Variants in TMEM266 observed in about 807,000 individuals in gnomAD.
The protein encoded by TMEM266 is Hv1 related protein 1.
Under a neutral mutation model 50.5 loss-of-function variants are expected in TMEM266, and 33 were observed. The ratio of observed to expected loss-of-function variants is 0.65; its 90% CI spans 0.50 to 0.87. The LOEUF is 0.87. Among genes scored for constraint, TMEM266 ranks in the 40% least tolerant of loss-of-function variants. The probability of loss-of-function intolerance (pLI) is 0.00; values close to 1 mark genes in which losing one functional copy is unlikely to be tolerated. For synonymous variants in TMEM266, 310 were observed against 292.3 expected (o/e 1.06, Z -0.62); for missense variants, 655 against 695.1 (o/e 0.94, Z 0.65).
At chr15:76,092,466 G>C (rs1181824662) in intron 1 of TMEM266, among the ~76,000 whole-genome samples, 2 of 151,990 alleles carry the variant, frequency 1.3e-5, no homozygotes, top group Non-Finnish European at 2.9e-5. Context: ...GAGGCGGGCG[G>C]ATCAGCTGAG....
At chr15:76,179,786 C>G (rs535177843) in intron 8 of TMEM266, among the ~76,000 whole-genome samples, 2 of 152,188 alleles carry the variant, frequency 1.3e-5, no homozygotes, top group African/African-American at 4.8e-5. Flanking sequence ...GTGTTAGGGT[C>G]CCAGTTTAAA....
At chr15:76,082,447 G>T (rs2036709153) in intron 1 of TMEM266, among the ~76,000 whole-genome samples, 1 of 152,194 alleles carries the variant, frequency 6.6e-6, no homozygotes, top group South Asian at 2.1e-4. Context: ...GAAGAGAGAA[G>T]AAAATAATGT....
chr15:76,180,907 C>T (rs1336113909), intron 8 of TMEM266: 2 of 152,336 alleles, frequency 1.3e-5, no homozygotes, highest in East Asian at 1.9e-4. Context: ...AGCCACCGCA[C>T]CCAGCCCATC....
At chr15:76,145,893 C>G (rs1242996945) in intron 3 of TMEM266, among the ~76,000 whole-genome samples, 1 of 152,230 alleles carries the variant, frequency 6.6e-6, no homozygotes, top group Non-Finnish European at 1.5e-5. Context: ...CCCCTGATTT[C>G]TTGTTCTCAT....
rs1412266333 is a variant in TMEM266, at chr15:76,137,773, G to A, written c.105G>A (p.Lys35=). The change falls in exon 3 of 11, where the codon AAG becomes AAA. Residue 35 remains lysine, a synonymous_variant. Transcript: ENST00000388942. Reference sequence around the variant, plus strand: ...CCCAACAAGTAGACGAAGAAACCAAGAGCATTGCTCCTGTGCAGCTGGTGA... The same window carrying A: ...CCCAACAAGTAGACGAAGAAACCAAAAGCATTGCTCCTGTGCAGCTGGTGA... 1.9e-6 allele frequency: 3 copies of A among 1,614,088 alleles called. No homozygotes were observed. Among genetic ancestry groups the A allele is most frequent in the South Asian group, 2.2e-5 (2 of 91,088 alleles).
intron 9 of TMEM266, among the ~76,000 whole-genome samples, chr15:76,198,650 T>A (rs1289159310): frequency 2.0e-5 from 3 of 152,236 alleles, no homozygotes; most frequent in African/African-American, 7.2e-5. Flanking sequence ...CAGTCCAGCC[T>A]AATGGTACTT....
chr15:76,064,065 TA>T (rs766046297), intron 1 of TMEM266, among the ~76,000 whole-genome samples: 5 of 152,142 alleles, frequency 3.3e-5, no homozygotes, highest in Admixed American at 2.0e-4. Flanking sequence ...GGTTCCCTTG[TA>T]ATGGGAATGC....
chr15:76,198,464 CTG>C (rs2038689441), intron 9 of TMEM266, among the ~76,000 whole-genome samples: 1 of 152,214 alleles, frequency 6.6e-6, no homozygotes, highest in African/African-American at 2.4e-5. Context: ...CCATAAACAT[CTG>C]TGTCTGCCTC....
Position 76,161,399 on chromosome 15 carries a change from A to T in TMEM266, c.456+1231A>T, listed in dbSNP as rs191547010. 1.3e-5 allele frequency among the ~76,000 whole-genome samples: 2 copies of T among 151,396 alleles called. No homozygotes were observed. Among genetic ancestry groups the T allele is most frequent in the Non-Finnish European group, 3.0e-5 (2 of 67,758 alleles). On this transcript the variant is annotated intron_variant, in intron 5 of 10. Transcript: ENST00000388942. The surrounding 1 kb of genome is among the most constrained non-coding windows in gnomAD (Gnocchi z 4.1). Reference sequence around the variant, plus strand: ...GTGGGCAGAGGCACTGAGGTGGGGAACCCCGGGAGTCAGGAGTCCCAGCAT... The same window carrying T: ...GTGGGCAGAGGCACTGAGGTGGGGATCCCCGGGAGTCAGGAGTCCCAGCAT...
chr15:76,070,759 A>G (rs371096354), intron 1 of TMEM266, among the ~76,000 whole-genome samples: 1 of 152,198 alleles, frequency 6.6e-6, no homozygotes, highest in African/African-American at 2.4e-5. Flanking sequence ...GTAGGGAGAA[A>G]GACAATATGT....
intron 8 of TMEM266, among the ~76,000 whole-genome samples, chr15:76,177,060 C>G (rs952285525): frequency 1.3e-5 from 2 of 152,178 alleles, no homozygotes; most frequent in African/African-American, 2.4e-5. Context: ...AAGTCCTAGC[C>G]TCTCTACAGA....
chr15:76,100,721 A>G (rs1169266815), intron 1 of TMEM266, among the ~76,000 whole-genome samples: 3 of 152,236 alleles, frequency 2.0e-5, no homozygotes, highest in African/African-American at 7.2e-5. Flanking sequence ...CCCCTGGGAA[A>G]GAAGGAAATG....
rs1382699944 is a variant in TMEM266 at position 76,137,819 on chromosome 15, C to T, written c.151C>T (p.Pro51Ser). The T allele has an allele frequency of 5.0e-6, 8 of 1,613,580 alleles. No individual in the cohort carries two copies. Among genetic ancestry groups the T allele is most frequent in the African/African-American group, 2.7e-5 (2 of 75,030 alleles). The change falls in exon 3 of 11, where the codon CCC (proline) becomes TCC (serine). Residue 51 changes from proline to serine, a missense_variant. Around this residue, in one of 3 missense-constraint regions of TMEM266, gnomAD observed 99 missense variants for 110.8 expected, o/e 0.89. Coordinates refer to ENST00000388942, the MANE Select transcript of TMEM266 (RefSeq NM_152335.3). ...GGTGAACTTTGCCTATCGGGACTTG[C>T]CCCTGGCTGCTGTCGATCTCTCCAC...
At chr15:76,118,305 G>T (rs985184480) in intron 1 of TMEM266, among the ~76,000 whole-genome samples, 3 of 152,238 alleles carry the variant, frequency 2.0e-5, no homozygotes, top group Non-Finnish European at 4.4e-5. Flanking sequence ...CTCATGCCTG[G>T]AATCCCAGCA....
At chr15:76,149,131 T>C (rs1342119785) in intron 3 of TMEM266, among the ~76,000 whole-genome samples, 1 of 152,136 alleles carries the variant, frequency 6.6e-6, no homozygotes, top group Non-Finnish European at 1.5e-5. Flanking sequence ...TCTCTCTGGG[T>C]GAGAAAGAAG....
At chr15:76,130,451 G>T (rs4886771) in intron 1 of TMEM266, among the ~76,000 whole-genome samples, 1 of 152,184 alleles carries the variant, frequency 6.6e-6, no homozygotes, top group Non-Finnish European at 1.5e-5. Context: ...TGAGGCAAAA[G>T]AATTGCTTGA....
At chr15:76,144,929 C>G (rs1404022059) in intron 3 of TMEM266, among the ~76,000 whole-genome samples, 19 of 152,194 alleles carry the variant, frequency 1.2e-4, no homozygotes. Flanking sequence ...TCCATTATCT[C>G]CAAGCCTTGT....
intron 8 of TMEM266, among the ~76,000 whole-genome samples, chr15:76,182,253 G>A (rs1210935928): frequency 6.6e-6 from 1 of 152,072 alleles, no homozygotes; most frequent in African/African-American, 2.4e-5. Flanking sequence ...CTTCTCATTG[G>A]GGAAATTGGA....
Position 76,191,978 on chromosome 15 carries a change from G to C in TMEM266, c.779G>C (p.Arg260Pro), listed in dbSNP as rs1038205774. 4 of 1,581,978 alleles carry C rather than the reference G, an allele frequency of 2.5e-6. No homozygotes were observed. Among genetic ancestry groups the C allele is most frequent in the African/African-American group, 1.4e-5 (1 of 71,482 alleles). ...CGTCTCCCTCCGCAGTTTGAGATCC[G>C]GCAGCTGCGCGCGCACCTGGCGCAG... Residue 260 changes from arginine to proline, a missense_variant, in exon 9 of 11, where the codon CGG (arginine) becomes CCG (proline). Arg to Pro is a moderately radical substitution (Grantham distance 103). This residue lies in a region of TMEM266 where 455 missense variants were observed against 401.8 expected (regional missense o/e 1.13). Coordinates refer to ENST00000388942, the MANE Select transcript of TMEM266 (RefSeq NM_152335.3).
Sources: gnomAD v4.1 joint callset for allele counts (sites outside exome capture counted in the v4.1 genomes callset) on GRCh38, gnomAD v4.1.1 for gene constraint, gnomAD v4.1.1 regional missense constraint, Gnocchi (gnomAD v3.1) non-coding constraint, MANE v1.5 for transcripts, NCBI Gene and HGNC (gene_info 2026-07-23, HGNC 2026-07-21) for gene names.